Variants in SPDYE10 observed in about 807,000 individuals in gnomAD.
SPDYE10 encodes the protein speedy protein E10.
At chr7:73,128,132 A>G in the SPDYE10 span, among the ~76,000 whole-genome samples, 1 of 151,962 alleles carries the variant, frequency 6.6e-6, no homozygotes, top group Non-Finnish European at 1.5e-5. Flanking sequence ...AGCAGTTAAA[A>G]TAAAGAAAGA....
At chr7:73,114,023 G>A in the SPDYE10 span, among the ~76,000 whole-genome samples, 10 of 104,988 alleles carry the variant, frequency 9.5e-5, 1 homozygote, top group East Asian at 5.1e-4. Flanking sequence ...GTGAGACTCC[G>A]TCTCAAAAAA....
the SPDYE10 span, among the ~76,000 whole-genome samples, chr7:73,139,956 CT>C: frequency 3.4e-3 from 61 of 17,876 alleles, no homozygotes; most frequent in Admixed American, 3.8e-3. Context: ...AGCGCCCGGC[CT>C]TTTTTTTTTT....
At chr7:73,123,788 C>CTCCCTCTCTCTCT in the SPDYE10 span, among the ~76,000 whole-genome samples, 1 of 97,458 alleles carries the variant, frequency 1.0e-5, no homozygotes, top group African/African-American at 5.1e-5. Context: ...TCTCTCTCTC[C>CTCCCTCTCTCTCT]CTCTCTCTCT....
At chr7:73,127,320 G>A in the SPDYE10 span, among the ~76,000 whole-genome samples, 5 of 89,434 alleles carry the variant, frequency 5.6e-5, no homozygotes, top group South Asian at 1.3e-3. Flanking sequence ...GGAGGCCGAT[G>A]TGGGCAGATC....
chr7:73,114,902 A>ATTTT, the SPDYE10 span, among the ~76,000 whole-genome samples: 2 of 94,070 alleles, frequency 2.1e-5, no homozygotes, highest in African/African-American at 8.4e-5. Flanking sequence ...GGGTCATCTG[A>ATTTT]TTTTTTTTTT....
the SPDYE10 span, among the ~76,000 whole-genome samples, chr7:73,134,565 G>GAAAGAAAGAAAGAAAGAAAGAA: frequency 1.3e-5 from 2 of 152,138 alleles, no homozygotes; most frequent in African/African-American, 4.8e-5. Context: ...AAGAAAGAAA[G>GAAAGAAAGAAAGAAAGAAAGAA]AAACCGTGCA....
chr7:73,137,670 AAG>A, the SPDYE10 span, among the ~76,000 whole-genome samples: 2 of 112,276 alleles, frequency 1.8e-5, no homozygotes, highest in African/African-American at 7.1e-5. Flanking sequence ...GAAAGAAAGA[AAG>A]AGGAGGGGAG....
the SPDYE10 span, among the ~76,000 whole-genome samples, chr7:73,123,825 C>CTT: frequency 2.0e-5 from 3 of 151,190 alleles, no homozygotes; most frequent in South Asian, 6.3e-4. Flanking sequence ...CTCTCTCTCT[C>CTT]TCTGGCTGGA....
chr7:73,154,267 C>T, the SPDYE10 span, among the ~76,000 whole-genome samples: 5 of 130,240 alleles, frequency 3.8e-5, no homozygotes, highest in Admixed American at 2.3e-4. Flanking sequence ...ACTATGCCTG[C>T]CTTATCTCTT....
the SPDYE10 span, among the ~76,000 whole-genome samples, chr7:73,118,150 CAAAAA>C: frequency 7.4e-3 from 46 of 6,202 alleles, no homozygotes; most frequent in Non-Finnish European, 0.012. Flanking sequence ...GACTCTCTGT[CAAAAA>C]AAAAAAAAAA....
chr7:73,137,630 G>GAAAGAAAGAAAGAAAGAAAGAAAGA, the SPDYE10 span, among the ~76,000 whole-genome samples: 17 of 136,536 alleles, frequency 1.2e-4, no homozygotes, highest in Admixed American at 2.2e-4. Flanking sequence ...AAGAAAGAAA[G>GAAAGAAAGAAAGAAAGAAAGAAAGA]AAAGAAAGAA....
chr7:73,114,031 A>AG, the SPDYE10 span, among the ~76,000 whole-genome samples: 1 of 125,896 alleles, frequency 7.9e-6, no homozygotes, highest in Non-Finnish European at 1.7e-5. Flanking sequence ...CCGTCTCAAA[A>AG]AAAAAAAAAA....
At chr7:73,137,684 G>A in the SPDYE10 span, among the ~76,000 whole-genome samples, 1 of 70,516 alleles carries the variant, frequency 1.4e-5, no homozygotes, top group African/African-American at 5.3e-5. Context: ...GGAGGGGAGG[G>A]GAGGGAGAGG....
chr7:73,123,223 G>C, the SPDYE10 span, among the ~76,000 whole-genome samples: 1 of 152,216 alleles, frequency 6.6e-6, no homozygotes, highest in Non-Finnish European at 1.5e-5. Flanking sequence ...TCTTGCCTGA[G>C]CCTCTGAGCC....
At chr7:73,114,604 T>C in the SPDYE10 span, among the ~76,000 whole-genome samples, 1 of 140,476 alleles carries the variant, frequency 7.1e-6, no homozygotes, top group African/African-American at 2.5e-5. Flanking sequence ...TGGCATGATC[T>C]CGGCTCACTG....
the SPDYE10 span, among the ~76,000 whole-genome samples, chr7:73,139,542 C>G: frequency 7.0e-6 from 1 of 142,914 alleles, no homozygotes; most frequent in Admixed American, 7.0e-5. Context: ...AGGCTGGTCT[C>G]GAACTCCTGA....
the SPDYE10 span, among the ~76,000 whole-genome samples, chr7:73,116,735 C>A: frequency 6.4e-3 from 962 of 150,682 alleles, 22 homozygotes; most frequent in African/African-American, 0.022. Context: ...AGGCATGTAC[C>A]ACCATGCCTG....
the SPDYE10 span, among the ~76,000 whole-genome samples, chr7:73,113,975 A>G: frequency 0.061 from 8,573 of 141,082 alleles, 1 homozygote; most frequent in Non-Finnish European, 0.082. Context: ...GCAGTGAGCC[A>G]AGATCATACC....
the SPDYE10 span, among the ~76,000 whole-genome samples, chr7:73,134,665 C>T: frequency 6.6e-6 from 1 of 152,224 alleles, no homozygotes; most frequent in African/African-American, 2.4e-5. Context: ...AGTTCAAGAC[C>T]AGCCTGGCTG....
Sources: allele counts gnomAD v4.1 joint callset (sites outside exome capture counted in the v4.1 genomes callset), GRCh38; gene constraint gnomAD v4.1.1; transcripts MANE v1.5; gene names NCBI Gene and HGNC (gene_info 2026-07-23, HGNC 2026-07-21).